Variants in CNTN1 observed in about 807,000 individuals in gnomAD.
CNTN1 encodes contactin-1.
Under a neutral mutation model 126.4 loss-of-function variants are expected in CNTN1, and 38 were observed. That is an observed-to-expected ratio of 0.30 (90% CI 0.23 to 0.39). The LOEUF is 0.39. Ranked by LOEUF, CNTN1 falls within the 10% of genes least tolerant of loss-of-function variation. The probability of loss-of-function intolerance (pLI) is 1.00; values close to 1 mark genes in which losing one functional copy is unlikely to be tolerated. For missense variants in CNTN1, 1,009 were observed against 1,248.4 expected (o/e 0.81, Z 2.89); for synonymous variants, 413 against 422.6 (o/e 0.98, Z 0.28).
intron 1 of CNTN1, among the ~76,000 whole-genome samples, chr12:40,754,147 T>A (rs1053604809): frequency 1.3e-5 from 2 of 152,086 alleles, no homozygotes; most frequent in African/African-American, 4.8e-5. Flanking sequence ...TTATAATATA[T>A]GTTTAAATAA....
chr12:40,936,757 T>C, intron 9 of CNTN1, 24 bp from the exon 10 acceptor site: 1 of 1,611,970 alleles, frequency 6.2e-7, no homozygotes, highest in Non-Finnish European at 8.5e-7. Context: ...TCATTTAACA[T>C]TTACAATGTT....
chr12:40,977,577 A>G (rs1947710550), intron 15 of CNTN1, among the ~76,000 whole-genome samples: 1 of 126,940 alleles, frequency 7.9e-6, no homozygotes, highest in East Asian at 2.2e-4. Context: ...CTCTGTAAAC[A>G]GATCCCTGGA....
At chr12:40,875,474 A>G (rs369256603) in intron 1 of CNTN1, among the ~76,000 whole-genome samples, 190 of 152,184 alleles carry the variant, frequency 1.2e-3, no homozygotes, top group African/African-American at 4.3e-3. Context: ...TTGTCATTTC[A>G]GGAATGTTAT....
intron 1 of CNTN1, among the ~76,000 whole-genome samples, chr12:40,792,215 C>T (rs910748845): frequency 2.6e-5 from 4 of 151,938 alleles, no homozygotes; most frequent in African/African-American, 9.7e-5. Flanking sequence ...AGAAATGGGA[C>T]CCAGCAGCAC....
intron 1 of CNTN1, among the ~76,000 whole-genome samples, chr12:40,866,186 T>G (rs1044936777): frequency 6.6e-6 from 1 of 152,134 alleles, no homozygotes; most frequent in Non-Finnish European, 1.5e-5. Flanking sequence ...CTTGCTGAAT[T>G]CATTTATTAG....
intron 1 of CNTN1, among the ~76,000 whole-genome samples, chr12:40,823,400 T>G (rs868688634): frequency 2.6e-5 from 4 of 152,190 alleles, no homozygotes; most frequent in Non-Finnish European, 5.9e-5. Context: ...CTTGACCAAA[T>G]TACTTAATTT....
intron 1 of CNTN1, among the ~76,000 whole-genome samples, chr12:40,698,878 C>CT (rs1941523411): frequency 1.3e-5 from 2 of 152,168 alleles, no homozygotes; most frequent in Non-Finnish European, 1.5e-5. Flanking sequence ...TGTCAATCAA[C>CT]TGAACGGTTT....
chr12:40,692,933 G>A (rs1307402331), intron 1 of CNTN1, among the ~76,000 whole-genome samples: 1 of 152,200 alleles, frequency 6.6e-6, no homozygotes, highest in East Asian at 1.9e-4. Flanking sequence ...ATATCGCCTC[G>A]GCAGGGGAGG....
At chr12:40,887,714 C>T (rs936572078) in intron 1 of CNTN1, among the ~76,000 whole-genome samples, 6 of 151,890 alleles carry the variant, frequency 4.0e-5, no homozygotes, top group African/African-American at 1.2e-4. Flanking sequence ...CACATGCACA[C>T]GTATGTTTAT....
chr12:40,848,817 C>A (rs1052429651), intron 1 of CNTN1, among the ~76,000 whole-genome samples: 5 of 124,066 alleles, frequency 4.0e-5, no homozygotes, highest in African/African-American at 1.5e-4. Context: ...CTCTAGGGCA[C>A]CAGGTGTGTT....
intron 1 of CNTN1, among the ~76,000 whole-genome samples, chr12:40,713,750 A>G (rs1422874626): frequency 1.3e-5 from 2 of 152,130 alleles, no homozygotes; most frequent in Non-Finnish European, 2.9e-5. Context: ...TATGTTCCCA[A>G]TACAATAAAC....
intron 5 of CNTN1, among the ~76,000 whole-genome samples, chr12:40,923,736 A>G (rs1945532054): frequency 6.6e-6 from 1 of 152,174 alleles, no homozygotes; most frequent in African/African-American, 2.4e-5. Context: ...TAAGCTATTG[A>G]GGATAGGGAT....
chr12:40,846,440 C>A (rs1469739547), intron 1 of CNTN1, among the ~76,000 whole-genome samples: 1 of 152,188 alleles, frequency 6.6e-6, no homozygotes, highest in East Asian at 1.9e-4. Context: ...TGCACTCCAG[C>A]CTGGACAACA....
At chr12:40,893,654 A>T (rs1259839606) in intron 1 of CNTN1, among the ~76,000 whole-genome samples, 4 of 152,140 alleles carry the variant, frequency 2.6e-5, no homozygotes, top group African/African-American at 9.6e-5. Context: ...TCTTTTAGTT[A>T]GAGAGCCATG....
chr12:40,773,307 G>A (rs1038229999), intron 1 of CNTN1, among the ~76,000 whole-genome samples: 4 of 151,542 alleles, frequency 2.6e-5, no homozygotes, highest in East Asian at 1.9e-4. Context: ...GGCACTTTTC[G>A]TTTTAGAAAA....
intron 1 of CNTN1, among the ~76,000 whole-genome samples, chr12:40,853,405 T>C (rs1280190277): frequency 6.6e-6 from 1 of 152,140 alleles, no homozygotes; most frequent in Non-Finnish European, 1.5e-5. Context: ...TGGATTTTTG[T>C]TGAATGAACC....
intron 16 of CNTN1, among the ~76,000 whole-genome samples, chr12:40,986,758 C>CT (rs1425239898): frequency 1.3e-5 from 2 of 152,236 alleles, no homozygotes; most frequent in African/African-American, 2.4e-5. Context: ...AGAGGGAAGT[C>CT]TTTTTTGGCT....
At chr12:40,910,961 C>A (rs774003233) in intron 3 of CNTN1, among the ~76,000 whole-genome samples, 1 of 152,178 alleles carries the variant, frequency 6.6e-6, no homozygotes, top group Non-Finnish European at 1.5e-5. Flanking sequence ...TCTGTTTTCA[C>A]GCTGTTGATA....
Position 41,070,077 on chromosome 12 carries a change from C to T in CNTN1, c.*42C>T, listed in dbSNP as rs1950131620. 1 of 1,553,154 alleles carries T rather than the reference C, an allele frequency of 6.4e-7. No homozygotes were observed. ...GCTGTTCCCATCCCAGCTCAGAAGACACCCTTCAACCCTGGGATGACCACA... is the reference window on the plus strand; with the variant it reads ...GCTGTTCCCATCCCAGCTCAGAAGATACCCTTCAACCCTGGGATGACCACA... On this transcript the variant is annotated 3_prime_UTR_variant, in exon 24 of 24. Coordinates refer to ENST00000551295, the MANE Select transcript of CNTN1 (RefSeq NM_001843.4).
Sources: gnomAD v4.1 joint callset for allele counts (sites outside exome capture counted in the v4.1 genomes callset) on GRCh38, gnomAD v4.1.1 for gene constraint, MANE v1.5 for transcripts, NCBI Gene and HGNC (gene_info 2026-07-23, HGNC 2026-07-21) for gene names.